The following NMNAT3 variants were observed in gnomAD, a reference collection of about 807,000 sequenced individuals.
The protein encoded by NMNAT3 is nicotinamide nucleotide adenylyltransferase 3.
A neutral mutation model predicts 24.8 loss-of-function variants in NMNAT3; 21 were observed. The ratio of observed to expected loss-of-function variants is 0.85; its 90% CI spans 0.60 to 1.22. The LOEUF is 1.22. Among genes scored for constraint, NMNAT3 ranks in the 50% most tolerant of loss-of-function variants. The pLI is 0.00. For missense variants in NMNAT3, 387 were observed against 436.6 expected (o/e 0.89, Z 1.01); for synonymous variants, 136 against 155.2 (o/e 0.88, Z 0.92).
At chr3:139,630,056 G>A (rs1486758129) in intron 2 of NMNAT3, among the ~76,000 whole-genome samples, 1 of 152,132 alleles carries the variant, frequency 6.6e-6, no homozygotes, top group East Asian at 1.9e-4. Flanking sequence ...GAAATCATGG[G>A]CTCAACAATG....
rs143739442 is a variant in NMNAT3, at chr3:139,589,808, T to C, written c.110-6600A>G. 5.2e-3 allele frequency among the ~76,000 whole-genome samples: 787 copies of C among 152,336 alleles called. 12 individuals are homozygous for C. The highest frequency in any genetic ancestry group is 0.018 in the African/African-American group (730 of 41,574). On this transcript the variant is annotated intron_variant, in intron 3 of 6. Transcript: ENST00000643695. ...ATTTGGCCCATGGGCTGTAGTTTAC[T>C]GCCCTCTGAAGTATGGCATGAAGTT...
At chr3:139,672,926 C>T (rs539193651) in intron 1 of NMNAT3, among the ~76,000 whole-genome samples, 2 of 152,230 alleles carry the variant, frequency 1.3e-5, no homozygotes, top group East Asian at 3.9e-4. Context: ...TGGTTCCTCA[C>T]GAAGGACTGT....
chr3:139,632,934 A>G (rs990546851), intron 2 of NMNAT3, among the ~76,000 whole-genome samples: 15 of 152,188 alleles, frequency 9.9e-5, no homozygotes, highest in African/African-American at 3.4e-4. Flanking sequence ...CAGTTTTATC[A>G]TGAAGGCCCC....
At chr3:139,614,823 G>T (rs143139411) in intron 3 of NMNAT3, among the ~76,000 whole-genome samples, 43 of 152,304 alleles carry the variant, frequency 2.8e-4, no homozygotes, top group African/African-American at 9.6e-4. Flanking sequence ...GGAGTTACTT[G>T]GTGACCGTGT....
At chr3:139,638,576 G>A (rs564847184) in intron 1 of NMNAT3, among the ~76,000 whole-genome samples, 16 of 152,264 alleles carry the variant, frequency 1.1e-4, no homozygotes, top group Admixed American at 3.9e-4. Context: ...GCTCATCTCC[G>A]TCCCTTGACT....
rs867708244 is a variant in NMNAT3 at position 139,582,989 on chromosome 3, A to G, written c.329T>C (p.Ile110Thr). The change falls in exon 4 of 7, where the codon ATT (isoleucine) becomes ACT (threonine). Residue 110 changes from isoleucine to threonine, a missense_variant. Ile to Thr is a moderately conservative substitution (Grantham distance 89, BLOSUM62 -1). Around this residue, in one of 3 missense-constraint regions of NMNAT3, gnomAD observed 323 missense variants for 345.2 expected, o/e 0.94. Transcript: ENST00000643695. ...GTTCCAGGTGCTATCTATAAATATA[A>G]TTTTTTTCAGTGTTGTGCCTTTGCA... is the stretch of plus-strand genomic sequence containing the variant. 7.6e-6 allele frequency: 12 copies of G among 1,584,664 alleles called. No individual in the cohort carries two copies. Among genetic ancestry groups the G allele is most frequent in the Middle Eastern group, 1.7e-4 (1 of 5,736 alleles).
chr3:139,583,284 C>T (rs1260405301), intron 3 of NMNAT3: 1 of 1,279,598 alleles, frequency 7.8e-7, no homozygotes. Context: ...GTACTTTTAC[C>T]ATCTGTTTCA....
At chr3:139,597,364 T>G (rs2054529726) in intron 3 of NMNAT3, among the ~76,000 whole-genome samples, 1 of 152,114 alleles carries the variant, frequency 6.6e-6, no homozygotes, top group Admixed American at 6.5e-5. Context: ...TGTATTGAGA[T>G]GATGATTTAA....
chr3:139,573,017 G>T (rs1277261600), intron 6 of NMNAT3, among the ~76,000 whole-genome samples: 1 of 152,156 alleles, frequency 6.6e-6, no homozygotes, highest in African/African-American at 2.4e-5. Flanking sequence ...TTTTGCCCTT[G>T]ACACCAGGGC....
chr3:139,651,445 A>G (rs903259609), intron 1 of NMNAT3, among the ~76,000 whole-genome samples: 27 of 152,204 alleles, frequency 1.8e-4, no homozygotes. Flanking sequence ...AAATGATTCA[A>G]AAGCTAGAGG....
intron 3 of NMNAT3, among the ~76,000 whole-genome samples, chr3:139,592,530 A>C (rs922074236): frequency 1.3e-5 from 2 of 152,194 alleles, no homozygotes; most frequent in African/African-American, 4.8e-5. Context: ...GATTCACCAA[A>C]GTTGAAATGA....
intron 1 of NMNAT3, among the ~76,000 whole-genome samples, chr3:139,673,327 A>T (rs1341794805): frequency 6.6e-6 from 1 of 152,160 alleles, no homozygotes; most frequent in Admixed American, 6.5e-5. Context: ...TGGAAACTAT[A>T]AAGGGGTAAG....
chr3:139,677,127 AAGTTTTAGTTCC>A (rs1365818938), intron 1 of NMNAT3, among the ~76,000 whole-genome samples: 4 of 152,030 alleles, frequency 2.6e-5, no homozygotes, highest in Admixed American at 1.3e-4. Context: ...GAATTCTCTA[AAGTTTTAGTTCC>A]AGCAGCCTTT....
intron 4 of NMNAT3, among the ~76,000 whole-genome samples, chr3:139,582,639 CAAAAAAAAAAAA>C (rs58495559): frequency 1.7e-5 from 1 of 57,476 alleles, no homozygotes; most frequent in Non-Finnish European, 2.8e-5. Flanking sequence ...GGGACTGTCT[CAAAAAAAAAAAA>C]AAAAAAAAAA....
At chr3:139,645,564 G>A (rs542662391) in intron 1 of NMNAT3, among the ~76,000 whole-genome samples, 55 of 152,230 alleles carry the variant, frequency 3.6e-4, no homozygotes, top group African/African-American at 1.3e-3. Flanking sequence ...CATGACCGCT[G>A]TTGCAGCTCC....
chr3:139,606,147 C>A (rs950954244), intron 3 of NMNAT3, among the ~76,000 whole-genome samples: 10 of 152,190 alleles, frequency 6.6e-5, no homozygotes, highest in African/African-American at 2.4e-4. Context: ...TAATTCAACA[C>A]TGATCTAGAG....
At chr3:139,644,492 C>G (rs901487783) in intron 1 of NMNAT3, among the ~76,000 whole-genome samples, 2 of 152,034 alleles carry the variant, frequency 1.3e-5, no homozygotes, top group African/African-American at 4.8e-5. Flanking sequence ...AGGATGTGTT[C>G]CAGCAAAACA....
At chr3:139,629,840 G>C (rs2056220804) in intron 2 of NMNAT3, among the ~76,000 whole-genome samples, 1 of 151,998 alleles carries the variant, frequency 6.6e-6, no homozygotes, top group Non-Finnish European at 1.5e-5. Context: ...AAACCCCCCG[G>C]CACATCCCAA....
chr3:139,619,555 A>G (rs1024115015), intron 3 of NMNAT3, among the ~76,000 whole-genome samples: 1 of 152,110 alleles, frequency 6.6e-6, no homozygotes. Context: ...GCTAAAGGAG[A>G]GCCTGCAAGT....
Sources: gnomAD v4.1 joint callset for allele counts (sites outside exome capture counted in the v4.1 genomes callset) on GRCh38, gnomAD v4.1.1 for gene constraint, gnomAD v4.1.1 regional missense constraint, MANE v1.5 for transcripts, NCBI Gene and HGNC (gene_info 2026-07-23, HGNC 2026-07-21) for gene names.